Variants in DPY19L1 observed in about 807,000 individuals in gnomAD.
The protein encoded by DPY19L1 is protein C-mannosyl-transferase DPY19L1.
In DPY19L1, 35 loss-of-function variants were observed where a neutral mutation model predicts 96.9. The ratio of observed to expected loss-of-function variants is 0.36; its 90% CI spans 0.28 to 0.48. The LOEUF is 0.48. DPY19L1 is among the 20% of genes least tolerant of loss of function. The probability of loss-of-function intolerance (pLI) is 0.99; values close to 1 mark genes in which losing one functional copy is unlikely to be tolerated. For missense variants in DPY19L1, 521 were observed against 777.9 expected, an observed-to-expected ratio of 0.67 and a Z score of 3.93; for synonymous variants, 205 against 252.6, an observed-to-expected ratio of 0.81 and a Z score of 1.79.
chr7:34,992,995 G>A (rs143470913), intron 6 of DPY19L1, among the ~76,000 whole-genome samples: 561 of 152,152 alleles, frequency 3.7e-3, no homozygotes, highest in Non-Finnish European at 5.3e-3. Context: ...TTTGGAGTTC[G>A]TGTTCCTGAG....
chr7:34,990,347 GAA>G (rs1378626417), intron 6 of DPY19L1, among the ~76,000 whole-genome samples: 1 of 152,130 alleles, frequency 6.6e-6, no homozygotes, highest in African/African-American at 2.4e-5. Flanking sequence ...AAAAGGGAGA[GAA>G]AGACGTGCAA....
At chr7:35,035,387 T>A (rs1286625562) in intron 1 of DPY19L1, among the ~76,000 whole-genome samples, 1 of 152,148 alleles carries the variant, frequency 6.6e-6, no homozygotes, top group African/African-American at 2.4e-5. Context: ...ATATAAGTCA[T>A]GCATCCATCC....
chr7:34,937,927 T>A, intron 21 of DPY19L1, 67 bp downstream of exon 21: 1 of 1,533,252 alleles, frequency 6.5e-7, no homozygotes, highest in Non-Finnish European at 8.9e-7. Context: ...CAGCAAAGCA[T>A]GTGCCATGTG....
At chr7:34,966,857 G>A in intron 10 of DPY19L1, 37 bp downstream of exon 10, 2 of 1,465,080 alleles carry the variant, frequency 1.4e-6, no homozygotes, top group Middle Eastern at 3.6e-4. Flanking sequence ...AGTTTTAAGG[G>A]CAAACTAAAT....
intron 21 of DPY19L1, among the ~76,000 whole-genome samples, chr7:34,933,243 C>T (rs1783794122): frequency 6.6e-6 from 1 of 152,212 alleles, no homozygotes; most frequent in Non-Finnish European, 1.5e-5. Context: ...GCACCCACCA[C>T]CAGAGCAGTG....
chr7:34,960,202 A>T lies in DPY19L1; in HGVS notation c.1093-2132T>A, dbSNP rs116627116. Reference sequence around the variant, plus strand: ...TGTGAATTTCAGAATCAACTTATTAAGCTTCAAAAACTAAAATTTTAATTA... The same window carrying T: ...TGTGAATTTCAGAATCAACTTATTATGCTTCAAAAACTAAAATTTTAATTA... On this transcript the variant is annotated intron_variant, in intron 10 of 21. Transcript: ENST00000638088. Among the ~76,000 whole-genome samples, 800 of 151,742 alleles carry T rather than the reference A, an allele frequency of 5.3e-3. 8 individuals are homozygous for T. The highest frequency in any genetic ancestry group is 0.018 in the African/African-American group (752 of 41,500).
At position 35,013,571 on chromosome 7, in the gene DPY19L1, A is replaced by G; in HGVS notation, c.546T>C (p.Pro182=). ...ACAATTGGAAAAAGTACCTTACCTC[A>G]GGGTAAAGATTGAATCTTTTTAATG... The part of the protein sequence containing the change: ...INTLKRFNLY[P]EVILASWYRI... The change falls in exon 4 of 22, where the codon CCT becomes CCC. Residue 182 remains proline, a synonymous_variant. Transcript: ENST00000638088. 1.2e-6 allele frequency: 2 copies of G among 1,607,930 alleles called. No individual in the cohort carries two copies. The highest frequency in any genetic ancestry group is 1.7e-6 in the Non-Finnish European group (2 of 1,177,626).
intron 1 of DPY19L1, among the ~76,000 whole-genome samples, chr7:35,030,746 G>A (rs571946540): frequency 6.6e-6 from 1 of 152,138 alleles, no homozygotes; most frequent in African/African-American, 2.4e-5. Flanking sequence ...AATAGTTGTA[G>A]ATTTATGTAT....
chr7:34,988,407 T>A (rs116600340), intron 7 of DPY19L1, among the ~76,000 whole-genome samples: 4,397 of 152,030 alleles, frequency 0.029, 119 homozygotes, highest in African/African-American at 0.068. Context: ...ATGTGCAGGA[T>A]CCACAGTCAG....
chr7:34,958,012 T>G lies in DPY19L1; in HGVS notation c.1151A>C (p.Tyr384Ser), dbSNP rs935126004. 4 of 1,585,350 alleles carry G rather than the reference T, an allele frequency of 2.5e-6. No individual in the cohort carries two copies. The highest frequency in any genetic ancestry group is 3.4e-6 in the Non-Finnish European group (4 of 1,170,580). Residue 384 changes from tyrosine (Y) to serine (S), a missense_variant, in exon 11 of 22, where the codon TAT becomes TCT. Tyr to Ser is a moderately radical substitution (Grantham distance 144). Transcript: ENST00000638088. ...MFGNSMLLTSYYASSLVIIWG... is the reference protein window; with the variant it reads ...MFGNSMLLTSSYASSLVIIWG... ...AATAATTACCAAAGAAGAAGCATAA[T>G]AAGAAGTTAATAACATTGAGTTCCC...
chr7:35,004,665 GTTAT>G (rs1296890679), intron 6 of DPY19L1, among the ~76,000 whole-genome samples: 6 of 152,228 alleles, frequency 3.9e-5, no homozygotes, highest in African/African-American at 7.2e-5. Flanking sequence ...TATTTTACTG[GTTAT>G]TTATTTACTG....
At chr7:35,022,106 T>C (rs1190948310) in intron 1 of DPY19L1, among the ~76,000 whole-genome samples, 3 of 152,182 alleles carry the variant, frequency 2.0e-5, no homozygotes, top group South Asian at 2.1e-4. Flanking sequence ...AAAAATAATA[T>C]TTTAAATGAT....
At position 35,034,804 on chromosome 7, in the gene DPY19L1, T is replaced by C. The variant is rs553485974; in HGVS notation, c.298+2293A>G. 5.3e-5 allele frequency among the ~76,000 whole-genome samples: 8 copies of C among 152,352 alleles called. No individual in the cohort carries two copies. The East Asian group carries it at 1.5e-3, about 29-fold the overall frequency. On this transcript the variant is annotated intron_variant, in intron 1 of 21. Coordinates refer to ENST00000638088, the MANE Select transcript of DPY19L1 (RefSeq NM_001366673.1). ...TTAGTTGTTATAATTGTTCTTTTTT[T>C]GATCAGTTACAAATGAACTCTTGAT...
intron 16 of DPY19L1, among the ~76,000 whole-genome samples, chr7:34,944,654 G>A (rs1584205455): frequency 6.6e-6 from 1 of 152,132 alleles, no homozygotes; most frequent in East Asian, 1.9e-4. Context: ...CCTATTTCCA[G>A]AAAGATAGCC....
intron 7 of DPY19L1, among the ~76,000 whole-genome samples, chr7:34,979,164 G>A (rs1021746528): frequency 7.9e-5 from 12 of 152,142 alleles, no homozygotes; most frequent in South Asian, 4.1e-4. Flanking sequence ...TTGAAAAAGC[G>A]GTGAGTACAC....
rs1254884127 is a variant in DPY19L1, at chr7:34,967,303, T to C, written c.1015-332A>G. On this transcript the variant is annotated intron_variant, in intron 9 of 21. Coordinates refer to ENST00000638088, the MANE Select transcript of DPY19L1 (RefSeq NM_001366673.1). The stretch of plus-strand genomic sequence containing the variant: ...CTTGTCCAATCAAAAAAGATGAAAA[T>C]GTAATTATAACATGACAACTAATAC... 2.6e-5 allele frequency among the ~76,000 whole-genome samples: 4 copies of C among 152,250 alleles called. No individual in the cohort carries two copies. The East Asian group carries it at 7.7e-4, about 29-fold the overall frequency.
chr7:35,038,010 A>T (rs1223008901), upstream of DPY19L1: 3 of 911,562 alleles, frequency 3.3e-6, no homozygotes, highest in African/African-American at 1.8e-5. Context: ...GCGGCGGGGC[A>T]GGGAGAAGGC....
At position 35,026,879 on chromosome 7, in the gene DPY19L1, G is replaced by C. The variant is rs549524350; in HGVS notation, c.299-8283C>G. Among the ~76,000 whole-genome samples, 5 of 152,302 alleles carry C rather than the reference G, an allele frequency of 3.3e-5. No individual in the cohort carries two copies. In the South Asian group the frequency reaches 1.0e-3, roughly 32 times the overall value. On this transcript the variant is annotated intron_variant, in intron 1 of 21. Coordinates refer to ENST00000638088, the MANE Select transcript of DPY19L1 (RefSeq NM_001366673.1). ...GACTTTCAAGTTATTCAGCCTCTCAGAGTCTCATTTTCACCAAGTATAAAA... is the reference window on the plus strand; with the variant it reads ...GACTTTCAAGTTATTCAGCCTCTCACAGTCTCATTTTCACCAAGTATAAAA...
chr7:34,984,652 C>T (rs148796365), intron 7 of DPY19L1, among the ~76,000 whole-genome samples: 2 of 152,320 alleles, frequency 1.3e-5, no homozygotes, highest in South Asian at 2.1e-4. Context: ...TCCATAGACA[C>T]ACCAGTGAAT....
Sources: allele counts gnomAD v4.1 joint callset (sites outside exome capture counted in the v4.1 genomes callset), GRCh38; gene constraint gnomAD v4.1.1; transcripts MANE v1.5; gene names NCBI Gene and HGNC (gene_info 2026-07-23, HGNC 2026-07-21).